UNC80: variants seen among roughly 807,000 people sequenced by gnomAD.
UNC80 encodes the protein unc-80 subunit of NALCN channel complex.
Under a neutral mutation model 384.6 loss-of-function variants are expected in UNC80, and 164 were observed. The ratio of observed to expected loss-of-function variants is 0.43; its 90% CI spans 0.38 to 0.49. The LOEUF is 0.49. UNC80 is among the 20% of genes least tolerant of loss of function. The probability of loss-of-function intolerance (pLI) is 0.00; values close to 1 mark genes in which losing one functional copy is unlikely to be tolerated. For missense variants in UNC80, 3,330 were observed against 4,143.0 expected (o/e 0.80, Z 5.39); for synonymous variants, 1,486 against 1,527.8 (o/e 0.97, Z 0.64).
At chr2:209,964,962 A>T (rs1405089954) in intron 51 of UNC80, among the ~76,000 whole-genome samples, 2 of 152,138 alleles carry the variant, frequency 1.3e-5, no homozygotes, top group Non-Finnish European at 2.9e-5. Context: ...TGGGTTTTTT[A>T]AAAAAGAATT....
At position 209,976,649 on chromosome 2, in the gene UNC80, A is replaced by T. The variant is rs2093021384; in HGVS notation, c.8773-264A>T. On this transcript the variant is annotated intron_variant, in intron 57 of 64. Coordinates refer to ENST00000673920, the MANE Select transcript of UNC80 (RefSeq NM_001371986.1). The surrounding 1 kb of genome is among the most constrained non-coding windows in gnomAD (Gnocchi z 4.3). ...GACTGAGATCTGATTTTAAATAAAC[A>T]TAAGAAAAACATAGGATACTTAACG... 6.6e-6 allele frequency among the ~76,000 whole-genome samples: 1 copy of T among 152,192 alleles called. No homozygotes were observed. Among genetic ancestry groups the T allele is most frequent in the African/African-American group, 2.4e-5 (1 of 41,442 alleles).
Position 209,772,031 on chromosome 2 carries a change from A to G in UNC80, c.-42A>G. The G allele has an allele frequency of 6.9e-7, 1 of 1,442,238 alleles. No homozygotes were observed. The highest frequency in any genetic ancestry group is 9.5e-7 in the Non-Finnish European group (1 of 1,049,964). 89.3% of individuals were successfully genotyped at this position (1,442,238 alleles called of 1,614,324 possible). A position where few individuals can be genotyped will look rare whatever the true frequency, so the allele number is the denominator to read the frequency against. ...GGCGGCGGCGGCGGCTAGCGAGGAG[A>G]CAGAGCTGGGTCCTGCAGTAGGACT... On this transcript the variant is annotated 5_prime_UTR_variant, in exon 1 of 65. Transcript: ENST00000673920.
chr2:209,983,984 A>G (rs2093222379), intron 60 of UNC80, among the ~76,000 whole-genome samples: 1 of 152,102 alleles, frequency 6.6e-6, no homozygotes, highest in African/African-American at 2.4e-5. Context: ...GTGAGCCTCA[A>G]TTCTTTGGGG....
At chr2:209,923,250 C>G (rs1487160389) in intron 35 of UNC80, among the ~76,000 whole-genome samples, 2 of 152,216 alleles carry the variant, frequency 1.3e-5, no homozygotes, top group Non-Finnish European at 2.9e-5. Context: ...AGTGTCATAT[C>G]TAAGAAACAA....
chr2:209,865,172 T>C lies in UNC80; in HGVS notation c.3628-7586T>C, dbSNP rs1005404832. ...TCCACGGGTCACGGCAGCCTCTTAG[T>C]TCTGACGAGAGAACCTGGATACCTT... On this transcript the variant is annotated intron_variant, in intron 22 of 64. Coordinates refer to ENST00000673920, the MANE Select transcript of UNC80 (RefSeq NM_001371986.1). Among the ~76,000 whole-genome samples the C allele has an allele frequency of 2.0e-5, 3 of 152,160 alleles. No homozygotes were observed. In the South Asian group the frequency reaches 6.2e-4, roughly 31 times the overall value.
At chr2:209,920,040 G>A (rs1428154562) in intron 33 of UNC80, among the ~76,000 whole-genome samples, 4 of 152,122 alleles carry the variant, frequency 2.6e-5, no homozygotes, top group Non-Finnish European at 5.9e-5. Context: ...ATGGTGGCAG[G>A]CACCTGTAAA....
At chr2:209,804,452 G>C (rs773379726) in intron 7 of UNC80, among the ~76,000 whole-genome samples, 2 of 152,158 alleles carry the variant, frequency 1.3e-5, no homozygotes, top group Non-Finnish European at 2.9e-5. Flanking sequence ...CTTCCTGCCA[G>C]TAAAGTTTTG....
At chr2:209,846,060 C>T (rs1463754167) in intron 21 of UNC80, among the ~76,000 whole-genome samples, 1 of 151,264 alleles carries the variant, frequency 6.6e-6, no homozygotes, top group African/African-American at 2.4e-5. Flanking sequence ...TGATTCGTAC[C>T]CAACCATGAT....
rs947006067 is a variant in UNC80 at position 209,959,690 on chromosome 2, T to C, written c.7788T>C (p.Asp2596=). 1 of 1,551,506 alleles carries C rather than the reference T, an allele frequency of 6.4e-7. No individual in the cohort carries two copies. ...EPRVIALELL[D]VKSHMRLAEI... is the part of the protein sequence containing the mutation. Reference sequence around the variant, plus strand: ...GGGTCATTGCCTTGGAACTGCTGGATGTGAAGTCTCACATGAGGTACTGGC... The same window carrying C: ...GGGTCATTGCCTTGGAACTGCTGGACGTGAAGTCTCACATGAGGTACTGGC... Residue 2596 remains aspartate (D), a synonymous_variant, in exon 51 of 65, where the codon GAT becomes GAC. Transcript: ENST00000673920.
chr2:209,803,439 A>G (rs983749250), intron 7 of UNC80, among the ~76,000 whole-genome samples: 1 of 152,238 alleles, frequency 6.6e-6, no homozygotes, highest in African/African-American at 2.4e-5. Context: ...GTAGTTACTT[A>G]GGACACAGAC....
intron 21 of UNC80, among the ~76,000 whole-genome samples, chr2:209,844,819 T>C (rs747686975): frequency 2.3e-4 from 35 of 151,576 alleles, no homozygotes; most frequent in Non-Finnish European, 4.7e-4. Context: ...CCCAGGCTGG[T>C]CTTGAACTCC....
chr2:209,881,964 CT>C (rs34822717), intron 25 of UNC80, among the ~76,000 whole-genome samples: 10,908 of 131,132 alleles, frequency 0.083, 275 homozygotes, highest in Middle Eastern at 0.16. Context: ...ACCTCTCCTT[CT>C]TTTTTTTTTT....
At chr2:209,832,481 G>A (rs1020934086) in intron 16 of UNC80, among the ~76,000 whole-genome samples, 2 of 152,042 alleles carry the variant, frequency 1.3e-5, no homozygotes, top group Non-Finnish European at 2.9e-5. Flanking sequence ...ACTCCTATGC[G>A]GAAATCATTC....
At position 209,941,286 on chromosome 2, in the gene UNC80, A is replaced by G; in HGVS notation, c.6712A>G (p.Met2238Val). ...KSLWIQLLEEMFLGMPSEFPW... is the reference protein window; with the variant it reads ...KSLWIQLLEEVFLGMPSEFPW... Reference sequence around the variant, plus strand: ...CTTGTGGATCCAGCTGCTGGAGGAAATGTTCCTGGGCATGCCGAGCGAGTT... The same window carrying G: ...CTTGTGGATCCAGCTGCTGGAGGAAGTGTTCCTGGGCATGCCGAGCGAGTT... Residue 2238 changes from methionine to valine, a missense_variant, in exon 44 of 65, where the codon ATG becomes GTG. Transcript: ENST00000673920. 13 of 1,541,752 alleles carry G rather than the reference A, an allele frequency of 8.4e-6. No homozygotes were observed. The highest frequency in any genetic ancestry group is 2.5e-5 in the East Asian group (1 of 40,590).
intron 27 of UNC80, among the ~76,000 whole-genome samples, chr2:209,895,841 C>T (rs2086750526): frequency 6.6e-6 from 1 of 152,110 alleles, no homozygotes; most frequent in Admixed American, 6.6e-5. Flanking sequence ...GGTACCTGCC[C>T]ATCTTTGAAA....
At chr2:209,775,818 A>G (rs2076830184) in intron 2 of UNC80, 71 bp from the exon 3 acceptor site, 5 of 1,505,564 alleles carry the variant, frequency 3.3e-6, no homozygotes, top group Admixed American at 1.8e-5. Flanking sequence ...ACTAACCAGA[A>G]TCTTCAATTT....
chr2:209,868,268 G>A (rs2084002832), intron 22 of UNC80, among the ~76,000 whole-genome samples: 1 of 152,150 alleles, frequency 6.6e-6, no homozygotes, highest in South Asian at 2.1e-4. Context: ...TCCTGCACCA[G>A]CAACAGCTTT....
chr2:209,796,444 G>A (rs57990979), intron 7 of UNC80: 21,442 of 152,146 alleles, frequency 0.14, 2,142 homozygotes, highest in African/African-American at 0.27. Context: ...AGACTATTGG[G>A]AAGGCATGGT....
intron 22 of UNC80, among the ~76,000 whole-genome samples, chr2:209,868,819 A>G (rs185972784): frequency 2.1e-3 from 316 of 152,330 alleles, no homozygotes; most frequent in Non-Finnish European, 3.7e-3. Flanking sequence ...CTTCGAATTT[A>G]GAAATTTCAT....
Sources: allele counts gnomAD v4.1 joint callset (sites outside exome capture counted in the v4.1 genomes callset), GRCh38; gene constraint gnomAD v4.1.1; non-coding constraint Gnocchi (gnomAD v3.1); transcripts MANE v1.5; gene names NCBI Gene and HGNC (gene_info 2026-07-23, HGNC 2026-07-21).